PDE1C: variants seen among roughly 807,000 people sequenced by gnomAD.
PDE1C encodes the protein phosphodiesterase 1C.
Under a neutral mutation model 93.1 loss-of-function variants are expected in PDE1C, and 62 were observed. The ratio of observed to expected loss-of-function variants is 0.67; its 90% confidence interval spans 0.54 to 0.82. The LOEUF (loss-of-function observed/expected upper bound fraction) is 0.82, where lower values mean the gene tolerates loss of function less well. Ranked by LOEUF, PDE1C falls within the 40% of genes least tolerant of loss-of-function variation. The pLI, the probability that PDE1C is intolerant of heterozygous loss-of-function variation, is 0.00. For missense variants in PDE1C, 742 were observed against 884.6 expected (o/e 0.84, Z 2.04); for synonymous variants, 325 against 310.1 (o/e 1.05, Z -0.50).
intron 2 of PDE1C, among the ~76,000 whole-genome samples, chr7:32,047,062 A>AGTGTGTGTGTGTGTGT (rs59580872): frequency 8.1e-4 from 118 of 145,964 alleles, no homozygotes; most frequent in African/African-American, 2.8e-3. Context: ...TGCGAGACAG[A>AGTGTGTGTGTGTGTGT]GTGTGTGTGT....
chr7:32,222,677 T>G (rs1806961066), intron 1 of PDE1C, among the ~76,000 whole-genome samples: 1 of 152,212 alleles, frequency 6.6e-6, no homozygotes, highest in Admixed American at 6.5e-5. Context: ...TGGCAGGGAC[T>G]AGTTCTCCAG....
chr7:31,857,590 C>T (rs960146439), intron 7 of PDE1C, among the ~76,000 whole-genome samples: 6 of 152,134 alleles, frequency 3.9e-5, no homozygotes, highest in African/African-American at 1.4e-4. Context: ...AAGACTGTTG[C>T]TGATGAAGAG....
At chr7:31,913,291 T>C (rs899440551) in intron 2 of PDE1C, among the ~76,000 whole-genome samples, 1 of 152,160 alleles carries the variant, frequency 6.6e-6, no homozygotes, top group Non-Finnish European at 1.5e-5. Context: ...GAATTTTCAA[T>C]GAAAATGTTG....
chr7:31,744,574 A>G, the PDE1C span, among the ~76,000 whole-genome samples: 1 of 152,136 alleles, frequency 6.6e-6, no homozygotes, highest in African/African-American at 2.4e-5. Flanking sequence ...TTGCGTGCCT[A>G]TGGAAACCTT....
intron 2 of PDE1C, among the ~76,000 whole-genome samples, chr7:32,195,500 A>G (rs1475228873): frequency 6.6e-6 from 1 of 152,058 alleles, no homozygotes; most frequent in Non-Finnish European, 1.5e-5. Context: ...TGTTTTCCCT[A>G]TGAGTAAGAT....
At chr7:31,900,431 G>A (rs1220115792) in intron 2 of PDE1C, among the ~76,000 whole-genome samples, 1 of 137,948 alleles carries the variant, frequency 7.2e-6, no homozygotes, top group Non-Finnish European at 1.6e-5. Context: ...TTTTTTTACT[G>A]TAATATACAA....
the PDE1C span, chr7:31,652,108 T>C: frequency 1.4e-5 from 17 of 1,202,156 alleles, no homozygotes; most frequent in Non-Finnish European, 2.0e-5. Flanking sequence ...GAGAGGTGCA[T>C]TAAATGAGAA....
At chr7:31,777,656 A>G (rs561234335) in intron 16 of PDE1C, among the ~76,000 whole-genome samples, 145 of 152,230 alleles carry the variant, frequency 9.5e-4, no homozygotes, top group Admixed American at 1.6e-3. Context: ...CAGGGCACCA[A>G]TCCTGACATT....
chr7:31,836,374 C>T (rs1406531800), intron 11 of PDE1C, among the ~76,000 whole-genome samples: 3 of 152,084 alleles, frequency 2.0e-5, no homozygotes, highest in Admixed American at 6.6e-5. Context: ...CTCGCGCTGT[C>T]GCCAGGCTGG....
the PDE1C span, among the ~76,000 whole-genome samples, chr7:31,694,660 A>G: frequency 4.6e-5 from 7 of 152,148 alleles, no homozygotes; most frequent in African/African-American, 1.7e-4. Context: ...GTAAACCATT[A>G]TGGAAGAGTG....
chr7:31,719,928 C>T, the PDE1C span, among the ~76,000 whole-genome samples: 2 of 151,764 alleles, frequency 1.3e-5, no homozygotes, highest in African/African-American at 2.4e-5. Flanking sequence ...GTGGGGAGGC[C>T]GAGGCGGGTG....
intron 2 of PDE1C, among the ~76,000 whole-genome samples, chr7:31,989,779 C>T (rs1041902615): frequency 4.1e-4 from 62 of 152,310 alleles, no homozygotes; most frequent in African/African-American, 1.4e-3. Context: ...TCAGCTTTCT[C>T]CTGGGCAGGC....
At chr7:31,875,793 CTATATATATATATATATATATATATATA>C (rs71559206) in intron 5 of PDE1C, among the ~76,000 whole-genome samples, 14,736 of 43,274 alleles carry the variant, frequency 0.34, 2,213 homozygotes, top group East Asian at 0.56. Flanking sequence ...AAGCTTACAT[CTATATATATATATATATATATATATATA>C]TATATATATA....
chr7:31,992,477 T>C (rs2129078366), intron 2 of PDE1C, among the ~76,000 whole-genome samples: 1 of 152,306 alleles, frequency 6.6e-6, no homozygotes, highest in East Asian at 1.9e-4. Context: ...AAGGCTTTGT[T>C]GGAGGGCAGG....
intron 1 of PDE1C, among the ~76,000 whole-genome samples, chr7:32,317,489 T>C (rs1421289312): frequency 2.0e-5 from 3 of 152,166 alleles, no homozygotes; most frequent in Non-Finnish European, 4.4e-5. Context: ...TCTGATGGCC[T>C]TTCTACCCAC....
chr7:32,040,325 T>C (rs926524063), intron 2 of PDE1C, among the ~76,000 whole-genome samples: 1 of 152,248 alleles, frequency 6.6e-6, no homozygotes, highest in South Asian at 2.1e-4. Context: ...TACCTCAACA[T>C]TGGCACTCTA....
chr7:31,886,734 G>A (rs1005977866), intron 2 of PDE1C, among the ~76,000 whole-genome samples: 1 of 16,120 alleles, frequency 6.2e-5, no homozygotes, highest in African/African-American at 2.9e-4. Context: ...GGCAGACTCT[G>A]CATGGAGAGA....
In PDE1C at chr7:31,922,751, C is replaced by T. The variant is rs575569430; in HGVS notation, c.129-41891G>A. On this transcript the variant is annotated intron_variant, in intron 2 of 17. Transcript: ENST00000396191. ...ATGCTTAGAGAAACAGTGGAAGAAA[C>T]AAAATCGTTCACTCAGTGGTTTATA... 1.9e-4 allele frequency among the ~76,000 whole-genome samples: 29 copies of T among 152,104 alleles called. No homozygotes were observed. The South Asian group carries it at 6.0e-3, about 32-fold the overall frequency.
chr7:31,974,872 C>T (rs1478632690), intron 2 of PDE1C, among the ~76,000 whole-genome samples: 1 of 152,160 alleles, frequency 6.6e-6, no homozygotes, highest in African/African-American at 2.4e-5. Context: ...ACAGTTCTCA[C>T]AGATTAATTT....
Sources: gnomAD v4.1 joint callset for allele counts (sites outside exome capture counted in the v4.1 genomes callset) on GRCh38, gnomAD v4.1.1 for gene constraint, MANE v1.5 for transcripts, NCBI Gene and HGNC (gene_info 2026-07-23, HGNC 2026-07-21) for gene names.